Variants in MROH1 observed in about 807,000 individuals in gnomAD.
MROH1 encodes the protein maestro heat like repeat family member 1.
In MROH1, 117 loss-of-function variants were observed where a neutral mutation model predicts 116.5. The ratio of observed to expected loss-of-function variants is 1.00; its 90% CI spans 0.86 to 1.17. The LOEUF is 1.17. Among genes scored for constraint, MROH1 ranks in the 50% most tolerant of loss-of-function variants. The pLI, the probability that MROH1 is intolerant of heterozygous loss-of-function variation, is 0.00. For missense variants in MROH1, 1,873 were observed against 1,338.5 expected (o/e 1.40, Z -6.23); for synonymous variants, 921 against 583.9 (o/e 1.58, Z -8.32).
Position 144,220,647 on chromosome 8 carries a change from C to A in MROH1, c.1189C>A (p.Leu397Ile). Residue 397 changes from leucine to isoleucine, a missense_variant, in exon 13 of 44, where the codon CTT becomes ATT. By Grantham distance (5) the Leu-to-Ile change is conservative (BLOSUM62 2). Transcript: ENST00000326134. The part of the protein sequence containing the change: ...KKPFILSSMR[L>I]PLLDTNSKVK... ...GCCCTTTATCCTGTCTTCCATGAGG[C>A]TTCCTCTCCTGGACACCAACAGCAA... 6.3e-7 allele frequency: 1 copy of A among 1,577,962 alleles called. No homozygotes were observed. Among genetic ancestry groups the A allele is most frequent in the Non-Finnish European group, 8.6e-7 (1 of 1,161,984 alleles).
intron 4 of MROH1, among the ~76,000 whole-genome samples, 156 bp downstream of exon 4, chr8:144,168,596 G>A (rs6558308): frequency 1 from 151,719 of 152,242 alleles, 75,602 homozygotes; most frequent in Non-Finnish European, 1. Context: ...CTATGTCAGG[G>A]TGGGTAACCT....
intron 1 of MROH1, among the ~76,000 whole-genome samples, chr8:144,151,768 C>T (rs918745605): frequency 6.6e-6 from 1 of 152,236 alleles, no homozygotes; most frequent in African/African-American, 2.4e-5. Flanking sequence ...TCCCTAGATA[C>T]AGCCTCCCGT....
chr8:144,207,596 C>G (rs935151678), intron 12 of MROH1, among the ~76,000 whole-genome samples: 1 of 152,170 alleles, frequency 6.6e-6, no homozygotes, highest in Non-Finnish European at 1.5e-5. Context: ...TCCTCGGCCT[C>G]CTGGGCTCAA....
chr8:144,259,528 G>A (rs1441305511), intron 37 of MROH1, among the ~76,000 whole-genome samples, 174 bp downstream of exon 37: 2 of 152,208 alleles, frequency 1.3e-5, no homozygotes, highest in Non-Finnish European at 2.9e-5. Context: ...GTCCCACCCA[G>A]GGACACCCCC....
chr8:144,216,684 C>CT lies in MROH1; in HGVS notation c.1142-3893dup, dbSNP rs71320815. 2.2e-3 allele frequency among the ~76,000 whole-genome samples: 316 copies of CT among 142,820 alleles called. 2 individuals are homozygous for CT. The highest frequency in any genetic ancestry group is 8.6e-3 in the African/African-American group (304 of 35,416). 93.7% of individuals were successfully genotyped at this position (142,820 alleles called of 152,430 possible). On this transcript the variant is annotated intron_variant, in intron 12 of 43. Coordinates refer to ENST00000326134, the MANE Select transcript of MROH1 (RefSeq NM_032450.3). ...TAATGGTATGTCATATTTTTTACTG[C>CT]TTTTTTTTTTTTTTTTTTTTTTTGA...
intron 1 of MROH1, among the ~76,000 whole-genome samples, chr8:144,158,947 C>T (rs1204721969): frequency 6.6e-6 from 1 of 152,142 alleles, no homozygotes; most frequent in Non-Finnish European, 1.5e-5. Flanking sequence ...CTGTGTTACC[C>T]AGGCTGGTTT....
rs1255787772 is a variant in MROH1 at position 144,255,481 on chromosome 8, C to T, written c.3595-28C>T. 1.8e-5 allele frequency: 14 copies of T among 776,652 alleles called. No individual in the cohort carries two copies. In the Admixed American group the frequency reaches 2.2e-4, roughly 12 times the overall value. 48.1% of individuals were successfully genotyped at this position (776,652 alleles called of 1,614,324 possible). ...AGATCTCCTGCGGCCTGGAGGGAGG[C>T]ATGGCCCTGTGATGACTTCTCCCCC... is the stretch of plus-strand genomic sequence containing the variant. On this transcript the variant is annotated intron_variant, in intron 34 of 43. Transcript: ENST00000326134.
At chr8:144,148,978 G>A (rs1310037627) in intron 1 of MROH1, 1 of 152,690 alleles carries the variant, frequency 6.5e-6, no homozygotes, top group South Asian at 2.1e-4. Context: ...ACTTTGGAAG[G>A]GGATGGTGGT....
At chr8:144,255,850 A>C in intron 35 of MROH1, 145 bp downstream of exon 35, 1 of 633,724 alleles carries the variant, frequency 1.6e-6, no homozygotes, top group Non-Finnish European at 2.9e-6. Flanking sequence ...CGCCTCACCC[A>C]GGTGCAGGGC....
chr8:144,259,866 C>T, intron 37 of MROH1, 45 bp from the exon 38 acceptor site: 1 of 718,974 alleles, frequency 1.4e-6, no homozygotes. Flanking sequence ...GGGTTGAGCC[C>T]TGGGGTCAGC....
chr8:144,250,851 A>C, intron 33 of MROH1: 2 of 268,012 alleles, frequency 7.5e-6, no homozygotes, highest in Non-Finnish European at 1.5e-5. Context: ...ATACATCACT[A>C]TGTCTTCCCA....
Position 144,240,665 on chromosome 8 carries a change from A to G in MROH1, c.1923A>G (p.Ala641=). The part of the protein sequence containing the change: ...LCRQLPCYDE[A]PQEKNFLYKC... ...GGCAGCTGCCCTGCTACGATGAGGC[A>G]CCCCAGGAGAAGGTGGGGCACCTGC... Residue 641 remains alanine, a synonymous_variant, in exon 20 of 44, where the codon GCA becomes GCG. Transcript: ENST00000326134. 1.4e-6 allele frequency: 1 copy of G among 716,834 alleles called. No homozygotes were observed. Among genetic ancestry groups the G allele is most frequent in the Non-Finnish European group, 2.6e-6 (1 of 384,920 alleles). 44.4% of individuals were successfully genotyped at this position (716,834 alleles called of 1,614,324 possible). A position where few individuals can be genotyped will look rare whatever the true frequency, so the allele number is the denominator to read the frequency against.
intron 7 of MROH1, among the ~76,000 whole-genome samples, chr8:144,184,139 G>C (rs1587977372): frequency 6.6e-6 from 1 of 152,344 alleles, no homozygotes; most frequent in South Asian, 2.1e-4. Flanking sequence ...TGTAGTTGTA[G>C]GGTTCAAAGT....
intron 12 of MROH1, among the ~76,000 whole-genome samples, chr8:144,207,183 TG>T (rs1214691968): frequency 2.7e-5 from 4 of 147,090 alleles, no homozygotes; most frequent in East Asian, 2.1e-4. Flanking sequence ...TTTTGGGGGG[TG>T]GGGGGCCAGT....
At chr8:144,261,538 ATCTTTCCGT>A (rs1564590400) in intron 43 of MROH1, 108 bp from the exon 44 acceptor site, 1 of 689,590 alleles carries the variant, frequency 1.5e-6, no homozygotes, top group African/African-American at 1.8e-5. Context: ...AGGAAAAACG[ATCTTTCCGT>A]TGGCTCCTGA....
chr8:144,159,841 C>T (rs955162237), intron 1 of MROH1, among the ~76,000 whole-genome samples: 2 of 145,812 alleles, frequency 1.4e-5, no homozygotes, highest in Admixed American at 1.4e-4. Context: ...GATCTTGGCT[C>T]ACTGCAAGCT....
chr8:144,179,892 CCTAA>C (rs1382847088), intron 5 of MROH1, among the ~76,000 whole-genome samples: 1 of 151,968 alleles, frequency 6.6e-6, no homozygotes. Context: ...CTCTGGTGGG[CCTAA>C]CTCTCAGGGC....
In MROH1 at chr8:144,201,387, A is replaced by G. The variant is rs145147807; in HGVS notation, c.1141+846A>G. Among the ~76,000 whole-genome samples the G allele has an allele frequency of 1.0e-3, 156 of 152,316 alleles. No homozygotes were observed. In the East Asian group the frequency reaches 0.027, roughly 26 times the overall value. ...AGGCTAATTGAAGTGATTAGTGATA[A>G]GCCTGAAAACATACCATTTTTCACA... On this transcript the variant is annotated intron_variant, in intron 12 of 43. Coordinates refer to ENST00000326134, the MANE Select transcript of MROH1 (RefSeq NM_032450.3).
intron 1 of MROH1, among the ~76,000 whole-genome samples, chr8:144,158,741 CTT>C (rs545027106): frequency 6.8e-6 from 1 of 146,718 alleles, no homozygotes; most frequent in South Asian, 2.2e-4. Context: ...TTCTTTTACA[CTT>C]TTTTTTTTTT....
Sources: gnomAD v4.1 joint callset for allele counts (sites outside exome capture counted in the v4.1 genomes callset) on GRCh38, gnomAD v4.1.1 for gene constraint, MANE v1.5 for transcripts, NCBI Gene and HGNC (gene_info 2026-07-23, HGNC 2026-07-21) for gene names.